TTC14: variants seen among roughly 807,000 people sequenced by gnomAD.
TTC14 encodes tetratricopeptide repeat protein 14.
TTC14 carries 63 observed loss-of-function variants against 79.9 expected under a neutral mutation model. The ratio of observed to expected loss-of-function variants is 0.79; its 90% CI spans 0.64 to 0.97. TTC14 has a LOEUF of 0.97. Ranked by LOEUF, TTC14 falls within the 50% of genes least tolerant of loss-of-function variation. The pLI, the probability that TTC14 is intolerant of heterozygous loss-of-function variation, is 0.00. For synonymous variants in TTC14, 335 were observed against 309.6 expected, an observed-to-expected ratio of 1.08 and a Z score of -0.86; for missense variants, 895 against 894.0, an observed-to-expected ratio of 1.00 and a Z score of -0.01.
chr3:180,605,811 A>G lies in TTC14; in HGVS notation c.903A>G (p.Lys301=), dbSNP rs1716650139. The G allele has an allele frequency of 1.3e-6, 2 of 1,572,820 alleles. No individual in the cohort carries two copies. Among genetic ancestry groups the G allele is most frequent in the East Asian group, 2.3e-5 (1 of 43,168 alleles). ...ATTTTGCTTCTGCATTGAGAAAAAA[A>G]CAATCCGCATCTTGGGCTTTAAAAT... is the stretch of plus-strand genomic sequence containing the variant. ...EDDFASALRK[K]QSASWALKCV... The change falls in exon 7 of 12, where the codon AAA becomes AAG. Residue 301 remains lysine (K), a synonymous_variant. Coordinates refer to ENST00000296015, the MANE Select transcript of TTC14 (RefSeq NM_133462.4).
In TTC14 at chr3:180,605,766, C is replaced by T; in HGVS notation, c.858C>T (p.Ser286=). 1 of 1,566,536 alleles carries T rather than the reference C, an allele frequency of 6.4e-7. No homozygotes were observed. The highest frequency in any genetic ancestry group is 8.6e-7 in the Non-Finnish European group (1 of 1,165,600). Residue 286 remains serine, a splice_region_variant and synonymous_variant, in exon 7 of 12, where the codon AGC becomes AGT. Transcript: ENST00000296015. ...NPPSLMRGLQ[S]KNFSEDDFAS... ...TTTTAATTTTTATTTTCTTTAATAG[C>T]AAAAATTTCTCTGAAGATGATTTTG...
Position 180,602,417 on chromosome 3 carries a change from G to C in TTC14, c.156G>C (p.Gln52His), listed in dbSNP as rs1324865560. ...GCCCGCCGCCCCAGCACCCGTTGCA[G>C]GGCAGGTAATGAGACGTTGGTGCCA... ...ARGPPPQHPL[Q>H]GRKEKRVDNI... is the part of the protein sequence containing the mutation. Residue 52 changes from glutamine to histidine, a missense_variant, in exon 1 of 12, where the codon CAG becomes CAC. Gln to His is a conservative substitution (Grantham distance 24). Coordinates refer to ENST00000296015, the MANE Select transcript of TTC14 (RefSeq NM_133462.4). The C allele has an allele frequency of 6.2e-7, 1 of 1,603,302 alleles. No individual in the cohort carries two copies. Among genetic ancestry groups the C allele is most frequent in the East Asian group, 2.2e-5 (1 of 44,766 alleles).
At position 180,607,783 on chromosome 3, in the gene TTC14, C is replaced by A; in HGVS notation, c.1290+18C>A. ...ATATGCAGGTGATTCCTTATTTCCT[C>A]TTAGAAATTTAGTGATATTTGAAAT... On this transcript the variant is annotated intron_variant, in intron 10 of 11. Coordinates refer to ENST00000296015, the MANE Select transcript of TTC14 (RefSeq NM_133462.4). 6.3e-7 allele frequency: 1 copy of A among 1,599,376 alleles called. No individual in the cohort carries two copies. Among genetic ancestry groups the A allele is most frequent in the Non-Finnish European group, 8.5e-7 (1 of 1,176,126 alleles).
downstream of TTC14, among the ~76,000 whole-genome samples, chr3:180,611,423 G>C (rs1466544213): frequency 6.6e-6 from 1 of 152,170 alleles, no homozygotes; most frequent in Non-Finnish European, 1.5e-5. Context: ...CAGATGTTCA[G>C]TCCAGAAGGC....
rs761750422 is a variant in TTC14, at chr3:180,616,585, A to G, written c.1775-795A>G. ...CTTCTATGATATCAACTAACATTTC[A>G]TCAATAACTTTGTGAAACTGTTTCA... On this transcript the variant is annotated intron_variant, in intron 12 of 12. Transcript: ENST00000382584. 1.2e-6 allele frequency: 2 copies of G among 1,602,256 alleles called. No homozygotes were observed. Among genetic ancestry groups the G allele is most frequent in the South Asian group, 1.1e-5 (1 of 88,590 alleles).
chr3:180,608,358 T>C, intron 10 of TTC14: 1 of 987,644 alleles, frequency 1.0e-6, no homozygotes, highest in African/African-American at 1.7e-5. Context: ...TGTGTCCTGT[T>C]TAAATTTTTC....
At chr3:180,608,090 A>G in intron 10 of TTC14, 1 of 1,036,504 alleles carries the variant, frequency 9.6e-7, no homozygotes, top group South Asian at 3.8e-5. Flanking sequence ...CCTTTTTGAG[A>G]CATATTTTAA....
chr3:180,616,134 C>A, intron 12 of TTC14: 1 of 682,884 alleles, frequency 1.5e-6, no homozygotes, highest in South Asian at 1.7e-5. Context: ...CTATATGATG[C>A]TGACTAGTGA....
rs1716768410 is a variant in TTC14, at chr3:180,607,678, T to G, written c.1203T>G (p.Ala401=). The change falls in exon 10 of 12, where the codon GCT becomes GCG. Residue 401 remains alanine, a synonymous_variant. Coordinates refer to ENST00000296015, the MANE Select transcript of TTC14 (RefSeq NM_133462.4). ...QLEEEEKFLN[A]ESYYKKALAL... ...AAGAAGAAGAAAAGTTTTTAAATGC[T>G]GAAAGTTACTATAAGAAAGCTTTGG... is the stretch of plus-strand genomic sequence containing the variant. 1 of 1,605,904 alleles carries G rather than the reference T, an allele frequency of 6.2e-7. No individual in the cohort carries two copies. Among genetic ancestry groups the G allele is most frequent in the Non-Finnish European group, 8.5e-7 (1 of 1,177,596 alleles).
intron 10 of TTC14, 188 bp from the exon 11 acceptor site, chr3:180,608,513 A>G: frequency 8.5e-7 from 1 of 1,181,124 alleles, no homozygotes; most frequent in Non-Finnish European, 1.1e-6. Flanking sequence ...TGGCCATTTC[A>G]ATGACTAATG....
Position 180,606,585 on chromosome 3 carries a change from T to C in TTC14, c.1154T>C (p.Leu385Pro). 1 of 1,613,656 alleles carries C rather than the reference T, an allele frequency of 6.2e-7. No individual in the cohort carries two copies. Among genetic ancestry groups the C allele is most frequent in the Non-Finnish European group, 8.5e-7 (1 of 1,179,846 alleles). ...GCAAGAAAATACCTCTGCCAGACAC[T>C]TGTAGAGAGAGGAGGACAGTAAGTA... The part of the protein sequence containing the change: ...RNARKYLCQT[L>P]VERGGQLEEE... Residue 385 changes from leucine to proline, a missense_variant, in exon 9 of 12, where the codon CTT becomes CCT. Coordinates refer to ENST00000296015, the MANE Select transcript of TTC14 (RefSeq NM_133462.4).
Position 180,611,054 on chromosome 3 carries a change from A to T in TTC14, c.*512A>T. 1 of 961,830 alleles carries T rather than the reference A, an allele frequency of 1.0e-6. No individual in the cohort carries two copies. Among genetic ancestry groups the T allele is most frequent in the Non-Finnish European group, 1.2e-6 (1 of 808,538 alleles). 59.6% of individuals were successfully genotyped at this position (961,830 alleles called of 1,614,324 possible). ...ACATTTTTTGCCCAATTTTTTTTAA[A>T]ATTTTTAAATGGTAGATTATATGTC... On this transcript the variant is annotated 3_prime_UTR_variant, in exon 12 of 12. Coordinates refer to ENST00000296015, the MANE Select transcript of TTC14 (RefSeq NM_133462.4).
intron 4 of TTC14, 33 bp from the exon 5 acceptor site, chr3:180,604,445 A>G (rs771521820): frequency 6.4e-7 from 1 of 1,573,384 alleles, no homozygotes; most frequent in East Asian, 2.2e-5. Flanking sequence ...TTTTCTTACT[A>G]ATCAGCTTAG....
chr3:180,602,802 A>T (rs999750598), intron 1 of TTC14, 89 bp from the exon 2 acceptor site: 1 of 1,422,088 alleles, frequency 7.0e-7, no homozygotes, highest in African/African-American at 1.4e-5. Context: ...GATGGAGCGG[A>T]ATGGGCGATG....
chr3:180,609,396 A>G (rs1716864407), intron 11 of TTC14: 4 of 1,202,414 alleles, frequency 3.3e-6, no homozygotes, highest in African/African-American at 1.6e-5. Flanking sequence ...TGTTGAAAAA[A>G]GTCTGTCTTT....
At chr3:180,613,244 T>C (rs1717096178), downstream of TTC14, among the ~76,000 whole-genome samples, 1 of 152,190 alleles carries the variant, frequency 6.6e-6, no homozygotes, top group Non-Finnish European at 1.5e-5. Context: ...TCTTCAGTAA[T>C]TTTTCTCAAG....
intron 12 of TTC14, chr3:180,616,462 GTT>G: frequency 8.0e-6 from 12 of 1,497,342 alleles, no homozygotes; most frequent in Non-Finnish European, 9.8e-6. Flanking sequence ...TGTCATGAAA[GTT>G]TTTATTTTCA....
intron 9 of TTC14, 42 bp downstream of exon 9, chr3:180,606,645 A>C (rs1408153208): frequency 6.4e-7 from 1 of 1,557,360 alleles, no homozygotes; most frequent in Non-Finnish European, 8.6e-7. Flanking sequence ...TCTAATGTTC[A>C]ACCAACCACT....
chr3:180,612,868 C>T (rs896726850), downstream of TTC14, among the ~76,000 whole-genome samples: 1 of 152,106 alleles, frequency 6.6e-6, no homozygotes, highest in African/African-American at 2.4e-5. Context: ...GGGGACTCAT[C>T]CAGAATTTAC....
Sources: gnomAD v4.1 joint callset for allele counts (sites outside exome capture counted in the v4.1 genomes callset) on GRCh38, gnomAD v4.1.1 for gene constraint, MANE v1.5 for transcripts, NCBI Gene and HGNC (gene_info 2026-07-23, HGNC 2026-07-21) for gene names.